MBD5: variants seen among roughly 807,000 people sequenced by gnomAD.
MBD5 encodes the protein methyl-CpG-binding domain protein 5.
MBD5 carries 13 observed loss-of-function variants against 117.3 expected under a neutral mutation model. That is an observed-to-expected ratio of 0.11 (90% CI 0.07 to 0.18). The LOEUF (loss-of-function observed/expected upper bound fraction) is 0.18, where lower values mean the gene tolerates loss of function less well. Among genes scored for constraint, MBD5 ranks in the 10% least tolerant of loss-of-function variants. MBD5 has a pLI of 1.00. For missense variants in MBD5, 1,879 were observed against 2,093.8 expected (o/e 0.90, Z 2.00); for synonymous variants, 727 against 766.4 (o/e 0.95, Z 0.85).
intron 3 of MBD5, among the ~76,000 whole-genome samples, chr2:148,328,127 G>A (rs1171697962): frequency 5.3e-5 from 8 of 152,142 alleles, no homozygotes; most frequent in Non-Finnish European, 8.8e-5. Context: ...GCCCCTGCTG[G>A]GGGGTGCCTC....
At chr2:148,364,530 A>G (rs955611530) in intron 4 of MBD5, among the ~76,000 whole-genome samples, 7 of 152,220 alleles carry the variant, frequency 4.6e-5, no homozygotes, top group Non-Finnish European at 7.3e-5. Flanking sequence ...AAATGCCCCA[A>G]TTAGACACAG....
chr2:148,423,290 A>G (rs1366087108), intron 4 of MBD5, among the ~76,000 whole-genome samples: 2 of 152,150 alleles, frequency 1.3e-5, no homozygotes, highest in Non-Finnish European at 2.9e-5. Flanking sequence ...GCATTCTTAA[A>G]GAAAAGAATT....
rs1243494263 is a variant in MBD5 at position 148,484,140 on chromosome 2, G to C, written c.3544+5G>C. ...TACTGGGGACAGGTCTACTTGGTAAGTTAAATTTTTTCACAAATTTTTTAC... is the reference window on the plus strand; with the variant it reads ...TACTGGGGACAGGTCTACTTGGTAACTTAAATTTTTTCACAAATTTTTTAC... On this transcript the variant is annotated splice_donor_5th_base_variant and intron_variant, in intron 9 of 13. Coordinates refer to ENST00000642680, the MANE Select transcript of MBD5 (RefSeq NM_001378120.1). The C allele has an allele frequency of 4.3e-6, 6 of 1,410,700 alleles. No individual in the cohort carries two copies. In the African/African-American group the frequency reaches 4.4e-5, roughly 10 times the overall value. 87.4% of individuals were successfully genotyped at this position (1,410,700 alleles called of 1,614,324 possible).
chr2:148,222,118 ATG>A (rs1437776008), intron 2 of MBD5, among the ~76,000 whole-genome samples: 2 of 152,132 alleles, frequency 1.3e-5, no homozygotes, highest in African/African-American at 4.8e-5. Flanking sequence ...GTTGGTCTAC[ATG>A]TGTGTTTTTA....
chr2:148,176,098 G>A (rs950563717), intron 1 of MBD5, among the ~76,000 whole-genome samples: 1 of 152,090 alleles, frequency 6.6e-6, no homozygotes, highest in African/African-American at 2.4e-5. Context: ...ATGATAAACT[G>A]TGGATTGATT....
chr2:148,439,221 G>T (rs1706245739), intron 4 of MBD5, among the ~76,000 whole-genome samples: 1 of 152,098 alleles, frequency 6.6e-6, no homozygotes, highest in South Asian at 2.1e-4. Flanking sequence ...CAAGATTTTA[G>T]ACTTTAAGGA....
intron 1 of MBD5, among the ~76,000 whole-genome samples, chr2:148,140,957 G>T (rs1486676613): frequency 2.0e-5 from 3 of 151,660 alleles, no homozygotes; most frequent in Non-Finnish European, 2.9e-5. Flanking sequence ...ACAGAGATTA[G>T]GTTTCACCAT....
chr2:148,123,154 C>G (rs1238897987), intron 1 of MBD5, among the ~76,000 whole-genome samples: 1 of 152,150 alleles, frequency 6.6e-6, no homozygotes, highest in African/African-American at 2.4e-5. Context: ...ACAATGAGTA[C>G]TTATTAAATA....
chr2:148,148,880 C>A (rs1039783489), intron 1 of MBD5, among the ~76,000 whole-genome samples: 2 of 152,116 alleles, frequency 1.3e-5, no homozygotes, highest in African/African-American at 4.8e-5. Context: ...TTGTGGGCAA[C>A]ACTGTACAGT....
chr2:148,206,165 G>A (rs897206927), intron 2 of MBD5, among the ~76,000 whole-genome samples: 2 of 151,176 alleles, frequency 1.3e-5, no homozygotes, highest in Non-Finnish European at 2.9e-5. Flanking sequence ...ACTTGTATAT[G>A]TAGACATATA....
chr2:148,330,622 T>C (rs966125591), intron 3 of MBD5: 2 of 152,200 alleles, frequency 1.3e-5, no homozygotes. Flanking sequence ...ATTTCTAGTC[T>C]ATGTTTTGTA....
chr2:148,088,393 C>G (rs946118453), intron 1 of MBD5, among the ~76,000 whole-genome samples: 1 of 151,964 alleles, frequency 6.6e-6, no homozygotes, highest in Non-Finnish European at 1.5e-5. Context: ...GGATCATCAC[C>G]CAAGCACACG....
At chr2:148,332,293 T>C (rs1702679532) in intron 3 of MBD5, among the ~76,000 whole-genome samples, 1 of 152,208 alleles carries the variant, frequency 6.6e-6, no homozygotes, top group Non-Finnish European at 1.5e-5. Context: ...ACAAACTCAG[T>C]TCATAGCTGA....
chr2:148,319,404 A>G (rs1036831743), intron 3 of MBD5, among the ~76,000 whole-genome samples: 3 of 152,098 alleles, frequency 2.0e-5, no homozygotes, highest in Non-Finnish European at 4.4e-5. Flanking sequence ...ATGTTTTTCC[A>G]TTTGTTTGTG....
chr2:148,489,572 G>A lies in MBD5; in HGVS notation c.3940G>A (p.Gly1314Ser). ...VKDGLVVGGPGDASVDAIYKA... is the reference protein window; with the variant it reads ...VKDGLVVGGPSDASVDAIYKA... ...GGATGGCCTCGTTGTGGGTGGCCCA[G>A]GTGATGCTTCCGTAGATGCCATTTA... Residue 1314 changes from glycine to serine, a missense_variant, in exon 11 of 14, where the codon GGT becomes AGT. This residue lies in a region of MBD5 where 1,666 missense variants were observed against 1,792.2 expected (regional missense o/e 0.93). Coordinates refer to ENST00000642680, the MANE Select transcript of MBD5 (RefSeq NM_001378120.1). 1 of 1,614,164 alleles carries A rather than the reference G, an allele frequency of 6.2e-7. No homozygotes were observed.
At position 148,227,590 on chromosome 2, in the gene MBD5, A is replaced by G. The variant is rs1699865204; in HGVS notation, c.-830-5655A>G. ...TCTTTTGGCTTAGGATTGACTTGGC[A>G]ATGTGGGCTCTATTTTGGTTCCATA... On this transcript the variant is annotated intron_variant, in intron 2 of 13. Transcript: ENST00000642680. Among the ~76,000 whole-genome samples, 3 of 152,086 alleles carry G rather than the reference A, an allele frequency of 2.0e-5. No individual in the cohort carries two copies. The South Asian group carries it at 6.2e-4, about 32-fold the overall frequency.
intron 1 of MBD5, among the ~76,000 whole-genome samples, chr2:148,079,571 GC>G (rs1056505560): frequency 2.6e-5 from 4 of 151,528 alleles, no homozygotes; most frequent in African/African-American, 9.7e-5. Flanking sequence ...CTTAAAACTT[GC>G]TTTTGGCCTA....
chr2:148,227,657 T>A (rs1241379640), intron 2 of MBD5, among the ~76,000 whole-genome samples: 7 of 152,140 alleles, frequency 4.6e-5, no homozygotes, highest in African/African-American at 1.2e-4. Context: ...GAAGAAAGTC[T>A]TTGGTAGCTT....
At position 148,469,548 on chromosome 2, in the gene MBD5, C is replaced by T. The variant is rs541384788; in HGVS notation, c.1605C>T (p.Thr535=). ...LIAGISNVLN[T]PSSAAFPTAS... ...CTGGAATAAGTAATGTACTAAATAC[C>T]CCAAGCAGTGCAGCTTTTCCTACTG... The change falls in exon 8 of 14, where the codon ACC becomes ACT. Residue 535 remains threonine (T), a synonymous_variant. Transcript: ENST00000642680. 9 of 1,613,638 alleles carry T rather than the reference C, an allele frequency of 5.6e-6. No homozygotes were observed. Among genetic ancestry groups the T allele is most frequent in the Non-Finnish European group, 7.6e-6 (9 of 1,179,922 alleles).
Sources: allele counts gnomAD v4.1 joint callset (sites outside exome capture counted in the v4.1 genomes callset), GRCh38; gene constraint gnomAD v4.1.1; regional missense constraint gnomAD v4.1.1; transcripts MANE v1.5; gene names NCBI Gene and HGNC (gene_info 2026-07-23, HGNC 2026-07-21).